GOLT1A: variants seen among roughly 807,000 people sequenced by gnomAD.
GOLT1A encodes the protein vesicle transport protein GOT1A.
A neutral mutation model predicts 16.1 loss-of-function variants in GOLT1A; 10 were observed. The ratio of observed to expected loss-of-function variants is 0.62; its 90% CI spans 0.38 to 1.05. The LOEUF is 1.05. Among genes scored for constraint, GOLT1A ranks in the 50% least tolerant of loss-of-function variants. GOLT1A has a pLI of 0.01. For synonymous variants in GOLT1A, 60 were observed against 67.9 expected (o/e 0.88, Z 0.57); for missense variants, 137 against 165.7 (o/e 0.83, Z 0.95).
At chr1:204,206,731 G>A (rs1659044577) in intron 1 of GOLT1A, among the ~76,000 whole-genome samples, 1 of 152,212 alleles carries the variant, frequency 6.6e-6, no homozygotes, top group African/African-American at 2.4e-5. Flanking sequence ...ATTTCGTTTT[G>A]TTGAACTTTC....
chr1:204,205,549 A>G (rs900204764), intron 1 of GOLT1A, among the ~76,000 whole-genome samples: 4 of 152,218 alleles, frequency 2.6e-5, no homozygotes, highest in Admixed American at 6.5e-5. Context: ...AAGTGAGGGG[A>G]AAAATTATTC....
At position 204,208,487 on chromosome 1, in the gene GOLT1A, T is replaced by C. The variant is rs1217818907; in HGVS notation, c.25+5395A>G. Reference sequence around the variant, plus strand: ...GTGTGTGTGTGTGTGTATATATATATATATATATATATATAAAAAATGAAC... The same window carrying C: ...GTGTGTGTGTGTGTGTATATATATACATATATATATATATAAAAAATGAAC... On this transcript the variant is annotated intron_variant, in intron 1 of 4. Coordinates refer to ENST00000308302, the MANE Select transcript of GOLT1A (RefSeq NM_198447.2). 4.6e-5 allele frequency among the ~76,000 whole-genome samples: 4 copies of C among 86,392 alleles called. 1 individual carries two copies. The East Asian group carries it at 1.2e-3, about 27-fold the overall frequency. The allele number at this position is 86,392 out of a possible 152,430, so 56.7% of individuals were successfully genotyped here.
chr1:204,206,856 T>C (rs936491064), intron 1 of GOLT1A, among the ~76,000 whole-genome samples: 1 of 152,234 alleles, frequency 6.6e-6, no homozygotes, highest in South Asian at 2.1e-4. Context: ...CTTCTTCTTC[T>C]GCAGCAGTGA....
At chr1:204,208,476 G>GTATA (rs1553234655) in intron 1 of GOLT1A, among the ~76,000 whole-genome samples, 1,272 of 39,978 alleles carry the variant, frequency 0.032, 92 homozygotes, top group Middle Eastern at 0.077. Flanking sequence ...GTGTGTGTGT[G>GTATA]TATATATATA....
chr1:204,204,404 CT>C (rs566065067), intron 1 of GOLT1A, among the ~76,000 whole-genome samples: 1 of 152,146 alleles, frequency 6.6e-6, no homozygotes, highest in Non-Finnish European at 1.5e-5. Context: ...CAATATTTGT[CT>C]TTTTGTGACT....
At chr1:204,212,552 G>A (rs945999208) in intron 1 of GOLT1A, among the ~76,000 whole-genome samples, 3 of 149,614 alleles carry the variant, frequency 2.0e-5, no homozygotes, top group Non-Finnish European at 4.4e-5. Context: ...CAGGAGAATC[G>A]CTTGAACCCA....
rs1339141798 is a variant in GOLT1A, at chr1:204,200,305, A to G, written c.297-1047T>C. Among the ~76,000 whole-genome samples, 108 of 79,628 alleles carry G rather than the reference A, an allele frequency of 1.4e-3. 6 individuals carry two copies. The highest frequency in any genetic ancestry group is 6.3e-3 in the African/African-American group (72 of 11,494). 52.2% of individuals were successfully genotyped at this position (79,628 alleles called of 152,430 possible). A position where few individuals can be genotyped will look rare whatever the true frequency, so the allele number is the denominator to read the frequency against. ...TTGAAAATGACATATATGTGTATAT[A>G]TATATATATATATATGTTTTTGTTT... On this transcript the variant is annotated intron_variant, in intron 3 of 4. Coordinates refer to ENST00000308302, the MANE Select transcript of GOLT1A (RefSeq NM_198447.2).
intron 1 of GOLT1A, among the ~76,000 whole-genome samples, chr1:204,208,476 G>GTGTGTGTGTGTATATATATATATATA (rs1286299770): frequency 5.0e-5 from 2 of 39,940 alleles, no homozygotes; most frequent in African/African-American, 1.6e-4. Flanking sequence ...GTGTGTGTGT[G>GTGTGTGTGTGTATATATATATATATA]TATATATATA....
At chr1:204,203,039 G>T in intron 1 of GOLT1A, 52 bp from the exon 2 acceptor site, 1 of 1,480,640 alleles carries the variant, frequency 6.8e-7, no homozygotes, top group Non-Finnish European at 9.4e-7. Flanking sequence ...AGCAGGTGGG[G>T]ACCCTGAAAC....
At chr1:204,203,109 A>G in intron 1 of GOLT1A, 122 bp from the exon 2 acceptor site, 1 of 691,794 alleles carries the variant, frequency 1.4e-6, no homozygotes, top group Non-Finnish European at 2.6e-6. Flanking sequence ...CCATCCAGGA[A>G]TCTCAGCTTT....
At chr1:204,211,096 C>T (rs1390013216) in intron 1 of GOLT1A, among the ~76,000 whole-genome samples, 3 of 152,150 alleles carry the variant, frequency 2.0e-5, no homozygotes, top group South Asian at 2.1e-4. Flanking sequence ...TTCCCGGCCA[C>T]GATCATCTCT....
chr1:204,213,701 G>T (rs908622142), intron 1 of GOLT1A, among the ~76,000 whole-genome samples, 181 bp downstream of exon 1: 6 of 152,166 alleles, frequency 3.9e-5, no homozygotes, highest in Non-Finnish European at 5.9e-5. Flanking sequence ...ACTCCCACCC[G>T]CTGGAGGGTA....
intron 3 of GOLT1A, 83 bp downstream of exon 3, chr1:204,201,550 G>A: frequency 7.1e-7 from 1 of 1,404,478 alleles, no homozygotes; most frequent in Non-Finnish European, 9.8e-7. Flanking sequence ...TAAAGTCCCA[G>A]CTTCTGCACT....
At chr1:204,213,315 AT>A (rs1659167223) in intron 1 of GOLT1A, among the ~76,000 whole-genome samples, 2 of 152,234 alleles carry the variant, frequency 1.3e-5, no homozygotes, top group Non-Finnish European at 2.9e-5. Context: ...CAATTCTCAG[AT>A]GAAAAACCAA....
chr1:204,207,383 C>A (rs557781122), intron 1 of GOLT1A, among the ~76,000 whole-genome samples: 1 of 152,306 alleles, frequency 6.6e-6, no homozygotes, highest in South Asian at 2.1e-4. Context: ...CCTCCCCAGA[C>A]CTCAGAGACC....
rs1553233959 is a variant in GOLT1A at position 204,200,299 on chromosome 1, G to GTATACATATATATATATATATATATA, written c.297-1042_297-1041insTATATATATATATATATATATGTATA. On this transcript the variant is annotated intron_variant, in intron 3 of 4. Coordinates refer to ENST00000308302, the MANE Select transcript of GOLT1A (RefSeq NM_198447.2). ...GACTGTTTGAAAATGACATATATGT[G>GTATACATATATATATATATATATATA]TATATATATATATATATATATGTTT... 1.7e-3 allele frequency among the ~76,000 whole-genome samples: 139 copies of GTATACATATATATATATATATATATA among 82,656 alleles called. 6 individuals are homozygous for GTATACATATATATATATATATATATA. Among genetic ancestry groups the GTATACATATATATATATATATATATA allele is most frequent in the Non-Finnish European group, 1.6e-3 (68 of 42,748 alleles). The allele number at this position is 82,656 out of a possible 152,430, so 54.2% of individuals were successfully genotyped here.
chr1:204,202,201 A>G (rs72749753), intron 2 of GOLT1A, among the ~76,000 whole-genome samples: 16,678 of 151,666 alleles, frequency 0.11, 974 homozygotes, highest in African/African-American at 0.14. Flanking sequence ...AAAGTCACAC[A>G]GAACCTTCAG....
At chr1:204,206,309 A>G (rs1007982156) in intron 1 of GOLT1A, among the ~76,000 whole-genome samples, 1 of 152,174 alleles carries the variant, frequency 6.6e-6, no homozygotes, top group African/African-American at 2.4e-5. Flanking sequence ...CTCGTGATCT[A>G]TTTGGGCTTG....
At chr1:204,200,659 A>T (rs1351298032) in intron 3 of GOLT1A, among the ~76,000 whole-genome samples, 6 of 152,134 alleles carry the variant, frequency 3.9e-5, no homozygotes, top group Non-Finnish European at 5.9e-5. Context: ...TGGAATAAAT[A>T]GATGGCAGGT....
Sources: allele counts gnomAD v4.1 joint callset (sites outside exome capture counted in the v4.1 genomes callset), GRCh38; gene constraint gnomAD v4.1.1; transcripts MANE v1.5; gene names NCBI Gene and HGNC (gene_info 2026-07-23, HGNC 2026-07-21).